The following HPS5 variants were observed in gnomAD, a reference collection of about 807,000 sequenced individuals.
The protein encoded by HPS5 is HPS5 biogenesis of lysosomal organelles complex 2 subunit 2, also known as BLOC-2 complex member HPS5.
In HPS5, 83 loss-of-function variants were observed where a neutral mutation model predicts 128.0. The ratio of observed to expected loss-of-function variants is 0.65; its 90% CI spans 0.54 to 0.78. The LOEUF is 0.78. Among genes scored for constraint, HPS5 ranks in the 30% least tolerant of loss-of-function variants. The pLI is 0.00. For missense variants in HPS5, 1,281 were observed against 1,326.2 expected (o/e 0.97, Z 0.53); for synonymous variants, 475 against 470.2 (o/e 1.01, Z -0.13).
intron 9 of HPS5, among the ~76,000 whole-genome samples, chr11:18,299,186 ATCTC>A (rs1564955444): frequency 6.6e-6 from 1 of 152,234 alleles, no homozygotes; most frequent in Non-Finnish European, 1.5e-5. Context: ...AAAGAACTAT[ATCTC>A]TCTGACCTAA....
intron 10 of HPS5, 65 bp from the exon 11 acceptor site, chr11:18,297,782 T>C: frequency 2.0e-6 from 3 of 1,487,602 alleles, no homozygotes; most frequent in Admixed American, 1.7e-5. Flanking sequence ...ATGGCCAATA[T>C]ATTGAAAGAG....
chr11:18,313,678 G>A lies in HPS5; in HGVS notation c.109-1654C>T, dbSNP rs187935433. On this transcript the variant is annotated intron_variant, in intron 2 of 22. Coordinates refer to ENST00000349215, the MANE Select transcript of HPS5 (RefSeq NM_181507.2). ...CGCCTGTAATCCCAACACTTTGGGA[G>A]GCCAAGGTGGGCGGATCACGAGGTT... Among the ~76,000 whole-genome samples the A allele has an allele frequency of 4.7e-4, 72 of 152,314 alleles. No homozygotes were observed. In the East Asian group the frequency reaches 7.9e-3, roughly 17 times the overall value.
intron 19 of HPS5, among the ~76,000 whole-genome samples, chr11:18,286,167 T>C (rs946868644): frequency 2.6e-5 from 4 of 152,238 alleles, no homozygotes; most frequent in African/African-American, 9.6e-5. Context: ...GTCTCTTCCA[T>C]AGCTATTTCT....
chr11:18,311,352 G>A (rs1564976251), intron 4 of HPS5, 35 bp downstream of exon 4: 3 of 1,425,796 alleles, frequency 2.1e-6, no homozygotes, highest in Non-Finnish European at 3.0e-6. Context: ...AAATGCATTT[G>A]AAAAAGGACA....
At chr11:18,318,219 T>C (rs993554158) in intron 1 of HPS5, among the ~76,000 whole-genome samples, 16 of 152,170 alleles carry the variant, frequency 1.1e-4, no homozygotes, top group African/African-American at 3.6e-4. Context: ...TCACCCTGAG[T>C]TAAAACAGCA....
intron 17 of HPS5, 61 bp from the exon 18 acceptor site, chr11:18,287,751 C>A: frequency 6.3e-7 from 1 of 1,597,502 alleles, no homozygotes; most frequent in Non-Finnish European, 8.6e-7. Context: ...AACTTGGTTA[C>A]ATTTAGGTTA....
chr11:18,282,311 C>T (rs1210708307), intron 21 of HPS5, 91 bp from the exon 22 acceptor site: 2 of 1,409,314 alleles, frequency 1.4e-6, no homozygotes, highest in Admixed American at 1.7e-5. Flanking sequence ...TGTTTAATGC[C>T]AAAACGTAAA....
intron 15 of HPS5, 56 bp downstream of exon 15, chr11:18,292,843 C>CT (rs1354224415): frequency 9.4e-6 from 12 of 1,269,856 alleles, no homozygotes; most frequent in Admixed American, 1.7e-5. Flanking sequence ...TAATGATTCA[C>CT]TTCGTTTACT....
At chr11:18,282,319 A>G (rs756917634) in intron 21 of HPS5, 99 bp from the exon 22 acceptor site, 1 of 1,329,322 alleles carries the variant, frequency 7.5e-7, no homozygotes, top group East Asian at 2.3e-5. Context: ...GCCAAAACGT[A>G]AAAATATTCA....
intron 9 of HPS5, among the ~76,000 whole-genome samples, chr11:18,299,849 T>C (rs1445749501): frequency 4.6e-5 from 7 of 152,330 alleles, no homozygotes; most frequent in African/African-American, 1.7e-4. Context: ...GAAGACACTA[T>C]GTTAAGTGAA....
At chr11:18,294,903 C>T (rs1860868415) in intron 14 of HPS5, 117 bp downstream of exon 14, 8 of 1,027,048 alleles carry the variant, frequency 7.8e-6, no homozygotes, top group Middle Eastern at 2.7e-4. Flanking sequence ...CGTTCAAAGC[C>T]GTCCTGGAAC....
At chr11:18,281,514 C>T (rs1564922221) in intron 22 of HPS5, among the ~76,000 whole-genome samples, 1 of 152,100 alleles carries the variant, frequency 6.6e-6, no homozygotes, top group Non-Finnish European at 1.5e-5. Context: ...ATTCTCCTGC[C>T]TCAGCCTCCC....
chr11:18,301,390 T>C lies in HPS5; in HGVS notation c.897-474A>G, dbSNP rs1481020724. On this transcript the variant is annotated intron_variant, in intron 8 of 22. Transcript: ENST00000349215. ...AGAATCACTTACAGGGAGGCGGAGG[T>C]TGCAGTGAGCCAAGATTGTGCCACT... is the stretch of plus-strand genomic sequence containing the variant. 2.1e-5 allele frequency among the ~76,000 whole-genome samples: 3 copies of C among 145,000 alleles called. No homozygotes were observed. The East Asian group carries it at 6.0e-4, about 29-fold the overall frequency.
intron 21 of HPS5, among the ~76,000 whole-genome samples, chr11:18,282,448 A>G (rs1859126625): frequency 6.6e-6 from 1 of 151,356 alleles, no homozygotes; most frequent in African/African-American, 2.4e-5. Context: ...TTTTTTAAAG[A>G]GAGACAGGGT....
Position 18,317,870 on chromosome 11 carries a change from G to A in HPS5, c.-12C>T. 2 of 1,611,286 alleles carry A rather than the reference G, an allele frequency of 1.2e-6. No homozygotes were observed. The highest frequency in any genetic ancestry group is 1.1e-5 in the South Asian group (1 of 90,516). On this transcript the variant is annotated 5_prime_UTR_variant, in exon 2 of 23. Coordinates refer to ENST00000349215, the MANE Select transcript of HPS5 (RefSeq NM_181507.2). ...GGCACAAAAGCCATTTAGCCAGAAAGCTGAAACTTGTTGAATGATAGATAC... is the reference window on the plus strand; with the variant it reads ...GGCACAAAAGCCATTTAGCCAGAAAACTGAAACTTGTTGAATGATAGATAC...
At chr11:18,283,175 T>C (rs1360198982) in intron 21 of HPS5, among the ~76,000 whole-genome samples, 3 of 152,068 alleles carry the variant, frequency 2.0e-5, no homozygotes, top group Non-Finnish European at 4.4e-5. Context: ...TTAATTTTTG[T>C]ATTTTTAGTA....
At chr11:18,295,927 G>T in intron 13 of HPS5, 72 bp downstream of exon 13, 1 of 1,473,126 alleles carries the variant, frequency 6.8e-7, no homozygotes, top group Non-Finnish European at 9.5e-7. Context: ...TCCATTCTCA[G>T]CACAAATTAC....
At position 18,291,498 on chromosome 11, in the gene HPS5, T is replaced by C; in HGVS notation, c.2384A>G (p.Lys795Arg). 3 of 1,613,560 alleles carry C rather than the reference T, an allele frequency of 1.9e-6. No homozygotes were observed. Among genetic ancestry groups the C allele is most frequent in the Non-Finnish European group, 2.5e-6 (3 of 1,179,738 alleles). The part of the protein sequence containing the change: ...LNLKRAKESI[K>R]LSYSNSPSVW... ...AGAAGGGCTATTACTGTAACTAAGCTTGATACTCTCCTTCGCTCTTTTCAA... is the reference window on the plus strand; with the variant it reads ...AGAAGGGCTATTACTGTAACTAAGCCTGATACTCTCCTTCGCTCTTTTCAA... The change falls in exon 16 of 23, where the codon AAG becomes AGG. Residue 795 changes from lysine (K) to arginine (R), a missense_variant. Transcript: ENST00000349215.
intron 2 of HPS5, among the ~76,000 whole-genome samples, chr11:18,312,499 C>T (rs569258071): frequency 3.2e-4 from 49 of 152,286 alleles, no homozygotes; most frequent in African/African-American, 1.2e-3. Flanking sequence ...GTGGTCATGC[C>T]GTGCCCAATA....
Sources: gnomAD v4.1 joint callset for allele counts (sites outside exome capture counted in the v4.1 genomes callset) on GRCh38, gnomAD v4.1.1 for gene constraint, MANE v1.5 for transcripts, NCBI Gene and HGNC (gene_info 2026-07-23, HGNC 2026-07-21) for gene names.